Variants in RBBP6 observed in about 807,000 individuals in gnomAD.
The protein encoded by RBBP6 is E3 ubiquitin-protein ligase RBBP6.
RBBP6 carries 25 observed loss-of-function variants against 167.7 expected under a neutral mutation model. That is an observed-to-expected ratio of 0.15 (90% CI 0.11 to 0.21). The LOEUF (loss-of-function observed/expected upper bound fraction) is 0.21, where lower values mean the gene tolerates loss of function less well. Ranked by LOEUF, RBBP6 falls within the 10% of genes least tolerant of loss-of-function variation. RBBP6 has a pLI of 1.00. For synonymous variants in RBBP6, 789 were observed against 735.8 expected (o/e 1.07, Z -1.17); for missense variants, 1,868 against 2,134.2 (o/e 0.88, Z 2.46).
At position 24,559,555 on chromosome 16, in the gene RBBP6, A is replaced by G. The variant is rs1257936541; in HGVS notation, c.725A>G (p.Glu242Gly). The part of the protein sequence containing the change: ...KKEKPPFLPE[E>G]PSSSSEEDDP... ...GAGAAACCTCCCTTCTTACCAGAGG[A>G]GCCATCTTCTTCCTCAGAAGAAGAT... is the stretch of plus-strand genomic sequence containing the variant. The change falls in exon 8 of 18, where the codon GAG (glutamate) becomes GGG (glycine). Residue 242 changes from glutamate to glycine, a missense_variant. This residue lies in a region of RBBP6 where 184 missense variants were observed against 327.7 expected (regional missense o/e 0.56). Transcript: ENST00000319715. 1 of 1,604,520 alleles carries G rather than the reference A, an allele frequency of 6.2e-7. No homozygotes were observed.
intron 1 of RBBP6, among the ~76,000 whole-genome samples, chr16:24,544,106 T>A (rs985172638): frequency 7.2e-5 from 11 of 152,210 alleles, no homozygotes; most frequent in Non-Finnish European, 1.5e-4. Context: ...ACCTTTTAGT[T>A]TGACACAGTA....
intron 3 of RBBP6, among the ~76,000 whole-genome samples, chr16:24,549,671 AATAT>A (rs2141459773): frequency 6.6e-6 from 1 of 152,068 alleles, no homozygotes; most frequent in African/African-American, 2.4e-5. Flanking sequence ...GCCCCCTATG[AATAT>A]ATAAGTGTCT....
In RBBP6 at chr16:24,540,752, C is replaced by A. The variant is rs1282371431; in HGVS notation, c.126C>A (p.Ala42=). 6.2e-7 allele frequency: 1 copy of A among 1,613,804 alleles called. No homozygotes were observed. Among genetic ancestry groups the A allele is most frequent in the African/African-American group, 1.3e-5 (1 of 74,852 alleles). ...TGGGGAGAGAGAAGCTGAAAGCTGC[C>A]GACTGCGACCTGCAGATCACCAATG... ...QIMGREKLKA[A]DCDLQITNAQ... is the part of the protein sequence containing the mutation. The change falls in exon 1 of 18, where the codon GCC becomes GCA. Residue 42 remains alanine, a synonymous_variant. Coordinates refer to ENST00000319715, the MANE Select transcript of RBBP6 (RefSeq NM_006910.5).
intron 8 of RBBP6, among the ~76,000 whole-genome samples, chr16:24,561,253 T>C (rs1899047284): frequency 6.6e-6 from 1 of 151,334 alleles, no homozygotes; most frequent in Non-Finnish European, 1.5e-5. Context: ...AGACATTTGT[T>C]TAAAAAAAAA....
Position 24,569,170 on chromosome 16 carries a change from A to G in RBBP6, c.2480A>G (p.Tyr827Cys). Residue 827 changes from tyrosine to cysteine, a missense_variant, in exon 17 of 18, where the codon TAC becomes TGC. By Grantham distance (194) the Tyr-to-Cys change is radical. Around this residue, in one of 7 missense-constraint regions of RBBP6, gnomAD observed 673 missense variants for 691.5 expected, o/e 0.97. Coordinates refer to ENST00000319715, the MANE Select transcript of RBBP6 (RefSeq NM_006910.5). ...AGAGACCCATTTGAAAAAGAACGCT[A>G]CCGAGAATGGGAGAGAAAATATAGA... is the stretch of plus-strand genomic sequence containing the variant. Reference protein sequence around the residue: ...DFRDPFEKERYREWERKYREW... With the variant: ...DFRDPFEKERCREWERKYREW... 6.2e-7 allele frequency: 1 copy of G among 1,612,416 alleles called. No individual in the cohort carries two copies. The highest frequency in any genetic ancestry group is 8.5e-7 in the Non-Finnish European group (1 of 1,179,540).
At chr16:24,561,790 C>A (rs1426213537) in intron 9 of RBBP6, 34 bp from the exon 10 acceptor site, 1 of 1,603,232 alleles carries the variant, frequency 6.2e-7, no homozygotes, top group African/African-American at 1.3e-5. Flanking sequence ...TACTGCATAA[C>A]ATTTTTCTGC....
rs927715995 is a variant in RBBP6, at chr16:24,565,073, A to G, written c.1589+208A>G. Among the ~76,000 whole-genome samples, 27 of 152,194 alleles carry G rather than the reference A, an allele frequency of 1.8e-4. 1 individual carries two copies. Among genetic ancestry groups the G allele is most frequent in the Admixed American group, 5.2e-4 (8 of 15,282 alleles). On this transcript the variant is annotated intron_variant, in intron 14 of 17. Transcript: ENST00000319715. ...TATCTTAAATGATGGTTTTTAAGAC[A>G]TTTTTAATATTCCTTCCCAGTGATT...
chr16:24,541,751 G>A (rs1314835729), intron 1 of RBBP6, among the ~76,000 whole-genome samples: 1 of 152,194 alleles, frequency 6.6e-6, no homozygotes, highest in African/African-American at 2.4e-5. Context: ...TAATGCTGAT[G>A]TGTATTTTTT....
intron 3 of RBBP6, 73 bp from the exon 4 acceptor site, chr16:24,553,440 A>G (rs373424195): frequency 3.0e-4 from 395 of 1,295,204 alleles, no homozygotes; most frequent in Middle Eastern, 9.4e-4. Flanking sequence ...TAAGGTGTCA[A>G]TAGGGGCTAA....
In RBBP6 at chr16:24,572,622, C is replaced by G. The variant is rs1899369206; in HGVS notation, c.*177C>G. On this transcript the variant is annotated 3_prime_UTR_variant, in exon 18 of 18. Transcript: ENST00000319715. The stretch of plus-strand genomic sequence containing the variant: ...GAGCTTTATAACACGAACTTTTGTA[C>G]AGAATTGTGAGTTGTGACCATGTAA... 2 of 923,348 alleles carry G rather than the reference C, an allele frequency of 2.2e-6. No individual in the cohort carries two copies. Among genetic ancestry groups the G allele is most frequent in the Non-Finnish European group, 1.5e-6 (1 of 654,568 alleles). 57.2% of individuals were successfully genotyped at this position (923,348 alleles called of 1,614,324 possible).
intron 3 of RBBP6, among the ~76,000 whole-genome samples, chr16:24,550,824 T>A (rs1898779023): frequency 6.6e-6 from 1 of 151,822 alleles, no homozygotes. Context: ...GTTGTCCCCA[T>A]CATTTATTTG....
Position 24,567,177 on chromosome 16 carries a change from T to C in RBBP6, c.1624T>C (p.Ser542Pro). Residue 542 changes from serine (S) to proline (P), a missense_variant, in exon 15 of 18, where the codon TCA (serine) becomes CCA (proline). Around this residue, in one of 7 missense-constraint regions of RBBP6, gnomAD observed 145 missense variants for 224.3 expected, o/e 0.65. Transcript: ENST00000319715. The stretch of plus-strand genomic sequence containing the variant: ...CCGTGGGCGACACCACAGCGAAAGA[T>C]CACAGAGGACTCAAGGCCCGTCACT... The part of the protein sequence containing the change: ...INRGRHHSER[S>P]QRTQGPSLPA... The C allele has an allele frequency of 6.2e-7, 1 of 1,613,926 alleles. No homozygotes were observed. The highest frequency in any genetic ancestry group is 8.5e-7 in the Non-Finnish European group (1 of 1,179,828).
intron 2 of RBBP6, among the ~76,000 whole-genome samples, chr16:24,548,667 C>G (rs1427805990): frequency 6.6e-6 from 1 of 152,082 alleles, no homozygotes; most frequent in African/African-American, 2.4e-5. Flanking sequence ...CCTATACTAC[C>G]TTTCAGAAAA....
In RBBP6 at chr16:24,567,266, A is replaced by G. The variant is rs779578385; in HGVS notation, c.1713A>G (p.Thr571=). The part of the protein sequence containing the change: ...PPPLYPPPPH[T]LPLPPGVPPP... ...CTTTGTATCCGCCTCCTCCCCATACACTTCCTCTCCCTCCGGGTGTTCCTC... is the reference window on the plus strand; with the variant it reads ...CTTTGTATCCGCCTCCTCCCCATACGCTTCCTCTCCCTCCGGGTGTTCCTC... The change falls in exon 15 of 18, where the codon ACA becomes ACG. Residue 571 remains threonine (T), a synonymous_variant. Transcript: ENST00000319715. 7 of 1,613,680 alleles carry G rather than the reference A, an allele frequency of 4.3e-6. No homozygotes were observed. In the East Asian group the frequency reaches 1.1e-4, roughly 26 times the overall value.
chr16:24,572,117 A>C lies in RBBP6; in HGVS notation c.5051A>C (p.Gln1684Pro). The C allele has an allele frequency of 6.2e-7, 1 of 1,614,160 alleles. No homozygotes were observed. The highest frequency in any genetic ancestry group is 8.5e-7 in the Non-Finnish European group (1 of 1,180,010). ...AGCCTGGACACAGCAGCAGTTGTCC[A>C]GGTGGGCATAAGCAGGAATCAGAGC... ...KESLDTAAVV[Q>P]VGISRNQSHS... Residue 1684 changes from glutamine (Q) to proline (P), a missense_variant, in exon 18 of 18, where the codon CAG becomes CCG. This residue lies in a region of RBBP6 where 591 missense variants were observed against 540.5 expected (regional missense o/e 1.09). Coordinates refer to ENST00000319715, the MANE Select transcript of RBBP6 (RefSeq NM_006910.5).
chr16:24,541,678 A>G (rs1898503870), intron 1 of RBBP6, among the ~76,000 whole-genome samples: 1 of 152,226 alleles, frequency 6.6e-6, no homozygotes. Flanking sequence ...TTAACAGTAG[A>G]TAAATGTGAC....
At chr16:24,566,056 C>A (rs1021293579) in intron 14 of RBBP6, among the ~76,000 whole-genome samples, 18 of 152,110 alleles carry the variant, frequency 1.2e-4, no homozygotes, top group Non-Finnish European at 1.8e-4. Flanking sequence ...CAGAGTGAGA[C>A]CCTGTCTCCA....
intron 1 of RBBP6, among the ~76,000 whole-genome samples, chr16:24,544,369 A>G (rs954353467): frequency 6.6e-6 from 1 of 152,186 alleles, no homozygotes; most frequent in African/African-American, 2.4e-5. Context: ...GAAATTGCCT[A>G]CCTCTAATTG....
chr16:24,561,537 C>A (rs1201688433), intron 8 of RBBP6, 75 bp from the exon 9 acceptor site: 11 of 1,232,646 alleles, frequency 8.9e-6, no homozygotes, highest in Non-Finnish European at 1.3e-5. Context: ...AAATGTGGAC[C>A]ATCCTTTTAA....
Sources: allele counts gnomAD v4.1 joint callset (sites outside exome capture counted in the v4.1 genomes callset), GRCh38; gene constraint gnomAD v4.1.1; regional missense constraint gnomAD v4.1.1; transcripts MANE v1.5; gene names NCBI Gene and HGNC (gene_info 2026-07-23, HGNC 2026-07-21).